PLEKHH1: variants seen among roughly 807,000 people sequenced by gnomAD.
PLEKHH1 encodes the protein pleckstrin homology domain-containing family H member 1.
In PLEKHH1, 104 loss-of-function variants were observed where a neutral mutation model predicts 160.0. That is an observed-to-expected ratio of 0.65 (90% CI 0.55 to 0.76). The LOEUF (loss-of-function observed/expected upper bound fraction) is 0.76, where lower values mean the gene tolerates loss of function less well. Among genes scored for constraint, PLEKHH1 ranks in the 30% least tolerant of loss-of-function variants. PLEKHH1 has a pLI of 0.00. For synonymous variants in PLEKHH1, 619 were observed against 678.4 expected, an observed-to-expected ratio of 0.91 and a Z score of 1.36; for missense variants, 1,427 against 1,724.1, an observed-to-expected ratio of 0.83 and a Z score of 3.05.
intron 4 of PLEKHH1, among the ~76,000 whole-genome samples, chr14:67,559,205 T>C (rs2034718919): frequency 6.6e-6 from 1 of 152,204 alleles, no homozygotes; most frequent in South Asian, 2.1e-4. Context: ...TATTTTTTTG[T>C]TTTTTAACTA....
chr14:67,584,840 ATATT>A (rs1484920790), intron 26 of PLEKHH1, among the ~76,000 whole-genome samples: 1 of 152,208 alleles, frequency 6.6e-6, no homozygotes, highest in African/African-American at 2.4e-5. Flanking sequence ...TATTTAATAT[ATATT>A]TATAAGCCAT....
rs1189111214 is a variant in PLEKHH1, at chr14:67,557,407, C to G, written c.328C>G (p.Leu110Val). 1 of 1,613,234 alleles carries G rather than the reference C, an allele frequency of 6.2e-7. No individual in the cohort carries two copies. The highest frequency in any genetic ancestry group is 1.7e-5 in the Admixed American group (1 of 60,012). Residue 110 changes from leucine (L) to valine (V), a missense_variant, in exon 4 of 29, where the codon CTG becomes GTG. Leu to Val is a conservative substitution (Grantham distance 32). This residue lies in a region of PLEKHH1 where 831 missense variants were observed against 929.2 expected (regional missense o/e 0.89). Transcript: ENST00000329153. ...DELISQLEAQ[L>V]EKQKQMRAEE... is the part of the protein sequence containing the mutation. ...GCTCATCAGCCAGCTAGAGGCTCAG[C>G]TGGAGAAGCAGGTAAGGGCTCATGC...
intron 2 of PLEKHH1, among the ~76,000 whole-genome samples, chr14:67,553,654 A>AC (rs891386253): frequency 1.6e-4 from 25 of 151,874 alleles, no homozygotes; most frequent in Non-Finnish European, 3.4e-4. Context: ...GTATCAACCA[A>AC]CCCCCCACCA....
chr14:67,552,544 G>A (rs974888553), intron 2 of PLEKHH1, among the ~76,000 whole-genome samples: 3 of 152,154 alleles, frequency 2.0e-5, no homozygotes, highest in African/African-American at 7.2e-5. Flanking sequence ...GAGGTGGGCG[G>A]ATCACGAGGT....
Position 67,578,493 on chromosome 14 carries a change from T to G in PLEKHH1, c.2752-41T>G, listed in dbSNP as rs758265304. ...AGGGCTATGAGGACAGGTGGTGCTG[T>G]AGGCCCAGCACTCACCCCACGCTGT... is the stretch of plus-strand genomic sequence containing the variant. On this transcript the variant is annotated intron_variant, in intron 19 of 28. Coordinates refer to ENST00000329153, the MANE Select transcript of PLEKHH1 (RefSeq NM_020715.3). The surrounding 1 kb of genome is among the most constrained non-coding windows in gnomAD (Gnocchi z 5.0). The G allele has an allele frequency of 2.3e-6, 3 of 1,313,102 alleles. No individual in the cohort carries two copies. In the South Asian group the frequency reaches 3.7e-5, roughly 16 times the overall value. The allele number at this position is 1,313,102 out of a possible 1,614,324, so 81.3% of individuals were successfully genotyped here. A position where few individuals can be genotyped will look rare whatever the true frequency, so the allele number is the denominator to read the frequency against.
intron 4 of PLEKHH1, among the ~76,000 whole-genome samples, chr14:67,559,346 G>T (rs1473584613): frequency 6.6e-6 from 1 of 152,140 alleles, no homozygotes; most frequent in Non-Finnish European, 1.5e-5. Flanking sequence ...GCATATGGAG[G>T]CACAGCGTTC....
chr14:67,575,213 CA>C (rs1474347819), intron 14 of PLEKHH1, among the ~76,000 whole-genome samples, 178 bp from the exon 15 acceptor site: 1 of 151,988 alleles, frequency 6.6e-6, no homozygotes, highest in Non-Finnish European at 1.5e-5. Flanking sequence ...GCTGGGGTGC[CA>C]CAGGGTGTCA....
chr14:67,584,236 C>G, intron 26 of PLEKHH1, 112 bp downstream of exon 26: 1 of 1,028,764 alleles, frequency 9.7e-7, no homozygotes, highest in Non-Finnish European at 1.4e-6. Context: ...CACCAGAGGT[C>G]ACTATCCCTC....
At chr14:67,580,651 G>A (rs567947279) in intron 22 of PLEKHH1, among the ~76,000 whole-genome samples, 17 of 152,318 alleles carry the variant, frequency 1.1e-4, no homozygotes, top group African/African-American at 3.1e-4. Context: ...GCTGGTGTTC[G>A]AAGGCCATGG....
Position 67,569,219 on chromosome 14 carries a change from G to T in PLEKHH1, c.1342+3G>T. 1 of 1,606,452 alleles carries T rather than the reference G, an allele frequency of 6.2e-7. No individual in the cohort carries two copies. The highest frequency in any genetic ancestry group is 8.5e-7 in the Non-Finnish European group (1 of 1,173,086). On this transcript the variant is annotated splice_donor_region_variant and intron_variant, in intron 8 of 28. Coordinates refer to ENST00000329153, the MANE Select transcript of PLEKHH1 (RefSeq NM_020715.3). ...CAGAAGTAATACTGCATGCTGCGGT[G>T]AGTTCCAAGTGAGGCTTGGAGGCAC...
intron 7 of PLEKHH1, among the ~76,000 whole-genome samples, chr14:67,568,186 G>A (rs1594772903): frequency 6.6e-6 from 1 of 152,126 alleles, no homozygotes; most frequent in Admixed American, 6.6e-5. Flanking sequence ...CAAAGACATG[G>A]AATCAACCCA....
At chr14:67,571,980 C>A (rs2236234) in intron 10 of PLEKHH1, 78 bp downstream of exon 10, 1 of 1,515,786 alleles carries the variant, frequency 6.6e-7, no homozygotes, top group East Asian at 2.5e-5. Context: ...TGAACATGGG[C>A]GTCCCCACTT....
At chr14:67,581,827 G>T (rs1594792795) in intron 23 of PLEKHH1, 2 of 459,694 alleles carry the variant, frequency 4.4e-6, no homozygotes, top group Middle Eastern at 6.1e-4. Context: ...ACTAAATCCA[G>T]TAAGCTTAAT....
At position 67,587,736 on chromosome 14, in the gene PLEKHH1, C is replaced by T. The variant is rs1216209763; in HGVS notation, c.*501C>T. The T allele has an allele frequency of 1.0e-4, 17 of 163,928 alleles. No homozygotes were observed. The highest frequency in any genetic ancestry group is 1.9e-4 in the Non-Finnish European group (14 of 75,538). 10.2% of individuals were successfully genotyped at this position (163,928 alleles called of 1,614,324 possible). A position where few individuals can be genotyped will look rare whatever the true frequency, so the allele number is the denominator to read the frequency against. On this transcript the variant is annotated 3_prime_UTR_variant, in exon 29 of 29. Transcript: ENST00000329153. ...CTAATTTTTGTATTTTTAGTAGAGA[C>T]GGGGTTTCACCATGTTGGCCAGGCT...
rs1317731680 is a variant in PLEKHH1, at chr14:67,576,267, C to A, written c.2353-128C>A. ...CTGATCCTCAGTCTTTCCAGGTAGC[C>A]CTGACTCATGCCAACCAAACTAGCT... On this transcript the variant is annotated intron_variant, in intron 16 of 28. Transcript: ENST00000329153. The surrounding 1 kb of genome is among the most constrained non-coding windows in gnomAD (Gnocchi z 4.0). The A allele has an allele frequency of 1.6e-6, 1 of 633,576 alleles. No individual in the cohort carries two copies. 39.2% of individuals were successfully genotyped at this position (633,576 alleles called of 1,614,324 possible). A position where few individuals can be genotyped will look rare whatever the true frequency, so the allele number is the denominator to read the frequency against.
At chr14:67,552,550 G>A (rs1282946977) in intron 2 of PLEKHH1, among the ~76,000 whole-genome samples, 2 of 152,138 alleles carry the variant, frequency 1.3e-5, no homozygotes, top group Non-Finnish European at 2.9e-5. Context: ...GGCGGATCAC[G>A]AGGTCAGGAG....
intron 28 of PLEKHH1, 101 bp downstream of exon 28, chr14:67,586,198 T>G: frequency 3.0e-6 from 4 of 1,349,246 alleles, no homozygotes; most frequent in Non-Finnish European, 4.2e-6. Flanking sequence ...GCAAGGGCCC[T>G]GCCCAGATAA....
At position 67,578,237 on chromosome 14, in the gene PLEKHH1, T is replaced by C. The variant is rs750301390; in HGVS notation, c.2751+38T>C. 11 of 1,584,944 alleles carry C rather than the reference T, an allele frequency of 6.9e-6. No individual in the cohort carries two copies. Among genetic ancestry groups the C allele is most frequent in the Non-Finnish European group, 9.5e-6 (11 of 1,156,536 alleles). On this transcript the variant is annotated intron_variant, in intron 19 of 28. Coordinates refer to ENST00000329153, the MANE Select transcript of PLEKHH1 (RefSeq NM_020715.3). This position sits in a 1 kb window ranked among gnomAD's most constrained non-coding sequence, Gnocchi z 5.0. ...GGGGTGGAGCAGCTGACAGAAGCCA[T>C]TGGCAAGGGCTGCCAGGTGGGAAAG...
chr14:67,576,429 G>C lies in PLEKHH1; in HGVS notation c.2387G>C (p.Gly796Ala). 1.2e-6 allele frequency: 2 copies of C among 1,609,768 alleles called. No individual in the cohort carries two copies. The highest frequency in any genetic ancestry group is 1.7e-6 in the Non-Finnish European group (2 of 1,176,208). Residue 796 changes from glycine to alanine, a missense_variant, in exon 17 of 29, where the codon GGT becomes GCT. Transcript: ENST00000329153. This position sits in a 1 kb window ranked among gnomAD's most constrained non-coding sequence, Gnocchi z 4.0. The part of the protein sequence containing the change: ...TWLYHLTVAA[G>A]GSSAKVGTAY... ...CTCTACCACCTCACAGTGGCTGCAG[G>C]TGGCAGCAGTGCCAAGGTGGGCACT...
Sources: gnomAD v4.1 joint callset for allele counts (sites outside exome capture counted in the v4.1 genomes callset) on GRCh38, gnomAD v4.1.1 for gene constraint, gnomAD v4.1.1 regional missense constraint, Gnocchi (gnomAD v3.1) non-coding constraint, MANE v1.5 for transcripts, NCBI Gene and HGNC (gene_info 2026-07-23, HGNC 2026-07-21) for gene names.